The following FYN variants were observed in gnomAD, a reference collection of about 807,000 sequenced individuals.
The protein encoded by FYN is tyrosine-protein kinase Fyn.
In FYN, 10 loss-of-function variants were observed where a neutral mutation model predicts 70.2. The ratio of observed to expected loss-of-function variants is 0.14; its 90% CI spans 0.09 to 0.24. The LOEUF (loss-of-function observed/expected upper bound fraction) is 0.24. Among genes scored for constraint, FYN ranks in the 10% least tolerant of loss-of-function variants. FYN has a pLI of 1.00. For synonymous variants in FYN, 236 were observed against 248.6 expected (o/e 0.95, Z 0.48); for missense variants, 319 against 673.1 (o/e 0.47, Z 5.82).
At chr6:111,860,796 A>G (rs1476730548) in intron 1 of FYN, among the ~76,000 whole-genome samples, 1 of 152,188 alleles carries the variant, frequency 6.6e-6, no homozygotes, top group East Asian at 1.9e-4. Flanking sequence ...TTCACTGAGT[A>G]ATTCTCAACC....
chr6:111,866,610 G>A (rs2114534573), intron 1 of FYN, among the ~76,000 whole-genome samples: 1 of 152,332 alleles, frequency 6.6e-6, no homozygotes, highest in African/African-American at 2.4e-5. Flanking sequence ...CCAAAGTGCT[G>A]GGATTACAGG....
intron 1 of FYN, among the ~76,000 whole-genome samples, chr6:111,857,766 G>A (rs951992994): frequency 2.0e-5 from 3 of 152,158 alleles, no homozygotes; most frequent in African/African-American, 4.8e-5. Context: ...TTGCTTCAGG[G>A]CAATCAGTCA....
At chr6:111,737,529 T>C (rs190241958) in intron 3 of FYN, among the ~76,000 whole-genome samples, 12 of 152,330 alleles carry the variant, frequency 7.9e-5, no homozygotes, top group Non-Finnish European at 1.3e-4. Flanking sequence ...GGGTGAGGTA[T>C]GAAGGAAAGG....
intron 5 of FYN, chr6:111,708,954 G>A (rs550513278): frequency 1.3e-5 from 2 of 152,344 alleles, no homozygotes; most frequent in East Asian, 1.9e-4. Flanking sequence ...TACCTGTGAT[G>A]AAGAGCAGGA....
chr6:111,678,983 G>C (rs1035502226), intron 12 of FYN, among the ~76,000 whole-genome samples: 2 of 152,002 alleles, frequency 1.3e-5, no homozygotes, highest in African/African-American at 4.8e-5. Context: ...TCCCCCCCTG[G>C]GTTTCTATAG....
chr6:111,671,213 T>C (rs1798253329), intron 13 of FYN, among the ~76,000 whole-genome samples: 1 of 152,208 alleles, frequency 6.6e-6, no homozygotes, highest in South Asian at 2.1e-4. Flanking sequence ...TATCATTCAG[T>C]TTGAGATTGT....
At chr6:111,679,533 T>G (rs774103651) in intron 12 of FYN, among the ~76,000 whole-genome samples, 58 of 152,170 alleles carry the variant, frequency 3.8e-4, no homozygotes, top group Non-Finnish European at 7.6e-4. Flanking sequence ...GCTGAATGAA[T>G]GAATGAGTAG....
chr6:111,692,843 G>A (rs758945130), intron 12 of FYN, among the ~76,000 whole-genome samples: 13 of 152,140 alleles, frequency 8.5e-5, no homozygotes, highest in East Asian at 1.9e-4. Flanking sequence ...AGGTCCTCTC[G>A]GCTCACCTTG....
At chr6:111,842,692 T>C (rs929007238) in intron 2 of FYN, among the ~76,000 whole-genome samples, 5 of 152,238 alleles carry the variant, frequency 3.3e-5, no homozygotes, top group African/African-American at 7.2e-5. Flanking sequence ...ACCAGCTGCA[T>C]AGAAATCATG....
intron 3 of FYN, among the ~76,000 whole-genome samples, chr6:111,732,243 A>G (rs554657659): frequency 1.3e-5 from 2 of 152,348 alleles, no homozygotes; most frequent in South Asian, 4.1e-4. Flanking sequence ...GAAGCAATTT[A>G]ATAGTGACTT....
intron 2 of FYN, among the ~76,000 whole-genome samples, chr6:111,817,810 G>T (rs1490280714): frequency 6.6e-6 from 1 of 152,212 alleles, no homozygotes; most frequent in Non-Finnish European, 1.5e-5. Flanking sequence ...TTCAATCCAG[G>T]ATAAAATATA....
chr6:111,733,419 T>C (rs1358004386), intron 3 of FYN, among the ~76,000 whole-genome samples: 1 of 152,214 alleles, frequency 6.6e-6, no homozygotes, highest in African/African-American at 2.4e-5. Context: ...TTGAGAAGCG[T>C]GCTCTGCTCC....
intron 13 of FYN, among the ~76,000 whole-genome samples, chr6:111,665,833 G>C (rs1797974057): frequency 6.6e-6 from 1 of 151,764 alleles, no homozygotes; most frequent in South Asian, 2.1e-4. Flanking sequence ...ATGTTGGCCA[G>C]GCTGGTCTTG....
intron 3 of FYN, among the ~76,000 whole-genome samples, chr6:111,779,443 A>C (rs1771086352): frequency 6.6e-6 from 1 of 152,238 alleles, no homozygotes; most frequent in Non-Finnish European, 1.5e-5. Flanking sequence ...TGGCAACTGA[A>C]GTCCAACCAA....
chr6:111,762,186 G>A (rs1056589488), intron 3 of FYN, among the ~76,000 whole-genome samples: 1 of 152,190 alleles, frequency 6.6e-6, no homozygotes, highest in African/African-American at 2.4e-5. Flanking sequence ...CAGCAGCGGT[G>A]AGGAAGCTTC....
At chr6:111,854,574 A>G (rs1425782955) in intron 1 of FYN, among the ~76,000 whole-genome samples, 4 of 152,232 alleles carry the variant, frequency 2.6e-5, no homozygotes, top group Non-Finnish European at 5.9e-5. Flanking sequence ...AAATATTCGC[A>G]GGAAACAGAT....
chr6:111,681,907 C>A (rs1181613978), intron 12 of FYN, among the ~76,000 whole-genome samples: 2 of 151,868 alleles, frequency 1.3e-5, no homozygotes, highest in African/African-American at 4.8e-5. Context: ...GGGATTTGAA[C>A]CGAAGGTGCC....
intron 13 of FYN, among the ~76,000 whole-genome samples, chr6:111,673,005 T>G (rs1035857526): frequency 6.6e-6 from 1 of 152,180 alleles, no homozygotes; most frequent in African/African-American, 2.4e-5. Context: ...AAGGGAAGGC[T>G]TCACAGAAAC....
intron 1 of FYN, among the ~76,000 whole-genome samples, chr6:111,851,874 A>C (rs1361895686): frequency 6.7e-6 from 1 of 149,548 alleles, no homozygotes; most frequent in African/African-American, 2.5e-5. Context: ...AGGCAGGTTC[A>C]GTTTTGCCAA....
Sources: gnomAD v4.1 joint callset for allele counts (sites outside exome capture counted in the v4.1 genomes callset) on GRCh38, gnomAD v4.1.1 for gene constraint, MANE v1.5 for transcripts, NCBI Gene and HGNC (gene_info 2026-07-23, HGNC 2026-07-21) for gene names.